The following TANK variants were observed in gnomAD, a reference collection of about 807,000 sequenced individuals.
TANK encodes TRAF family member-associated NF-kappa-B activator.
Under a neutral mutation model 43.6 loss-of-function variants are expected in TANK, and 15 were observed. The observed-to-expected ratio is 0.34, with a 90% CI of 0.23 to 0.53. The LOEUF (loss-of-function observed/expected upper bound fraction) is 0.53. TANK is among the 20% of genes least tolerant of loss of function. TANK has a pLI of 0.94. For synonymous variants in TANK, 162 were observed against 178.2 expected (o/e 0.91, Z 0.73); for missense variants, 417 against 498.6 (o/e 0.84, Z 1.56).
At chr2:161,232,605 C>A in intron 7 of TANK, 1 of 1,090,804 alleles carries the variant, frequency 9.2e-7, no homozygotes, top group Non-Finnish European at 1.2e-6. Context: ...GTTATAGTTG[C>A]TACTAAATGA....
intron 4 of TANK, chr2:161,207,843 G>A (rs934990700): frequency 1.0e-6 from 1 of 985,304 alleles, no homozygotes. Flanking sequence ...ACATGGATGA[G>A]AACTGGAAGG....
At chr2:161,180,262 TTAC>T (rs1685360995) in intron 2 of TANK, 1 of 332,596 alleles carries the variant, frequency 3.0e-6, no homozygotes, top group Non-Finnish European at 4.3e-6. Context: ...CTTTAATGAC[TTAC>T]TAAAGTTTCA....
intron 1 of TANK, among the ~76,000 whole-genome samples, chr2:161,147,642 G>A (rs1439979190): frequency 6.6e-6 from 1 of 151,672 alleles, no homozygotes; most frequent in African/African-American, 2.4e-5. Context: ...CACGCCAGCT[G>A]CCTGGTCAGT....
chr2:161,139,621 G>A (rs1350491706), intron 1 of TANK: 2 of 757,278 alleles, frequency 2.6e-6, no homozygotes, highest in Admixed American at 1.3e-4. Flanking sequence ...ATAATAAATT[G>A]GTAGTTCAAA....
intron 1 of TANK, among the ~76,000 whole-genome samples, chr2:161,177,617 G>A (rs562218281): frequency 1.2e-4 from 19 of 152,088 alleles, no homozygotes; most frequent in Admixed American, 1.2e-3. Flanking sequence ...CCCTGGATTA[G>A]GCAACAGTTC....
At chr2:161,185,764 A>G (rs981252621) in intron 2 of TANK, among the ~76,000 whole-genome samples, 1 of 150,920 alleles carries the variant, frequency 6.6e-6, no homozygotes, top group African/African-American at 2.4e-5. Flanking sequence ...CTAATGCCAG[A>G]TGACGAGTTA....
chr2:161,191,803 CTTTT>C (rs752275743), intron 2 of TANK, among the ~76,000 whole-genome samples: 1 of 151,696 alleles, frequency 6.6e-6, no homozygotes, highest in African/African-American at 2.4e-5. Flanking sequence ...CACTATTTTT[CTTTT>C]TTTTGAGATG....
chr2:161,163,563 C>T (rs1210573026), intron 1 of TANK: 1 of 152,110 alleles, frequency 6.6e-6, no homozygotes, highest in East Asian at 1.9e-4. Flanking sequence ...TGTCTATGCC[C>T]TGAAAGAAAC....
At position 161,235,798 on chromosome 2, in the gene TANK, A is replaced by G. The variant is rs1398221083; in HGVS notation, c.*280A>G. 1 of 211,342 alleles carries G rather than the reference A, an allele frequency of 4.7e-6. No homozygotes were observed. Among genetic ancestry groups the G allele is most frequent in the Non-Finnish European group, 9.3e-6 (1 of 107,900 alleles). The allele number at this position is 211,342 out of a possible 1,614,324, so 13.1% of individuals were successfully genotyped here. A position where few individuals can be genotyped will look rare whatever the true frequency, so the allele number is the denominator to read the frequency against. Reference sequence around the variant, plus strand: ...TTTACAGTGCTATTACTATAATTCAAAATTATGTATGTGACTTAGAGTTAT... The same window carrying G: ...TTTACAGTGCTATTACTATAATTCAGAATTATGTATGTGACTTAGAGTTAT... On this transcript the variant is annotated 3_prime_UTR_variant, in exon 8 of 8. Coordinates refer to ENST00000392749, the MANE Select transcript of TANK (RefSeq NM_001199135.3).
intron 6 of TANK, 90 bp from the exon 7 acceptor site, chr2:161,230,881 A>T: frequency 3.9e-6 from 4 of 1,034,084 alleles, no homozygotes; most frequent in East Asian, 2.6e-5. Flanking sequence ...CCAATAGAAA[A>T]AATAATAATA....
chr2:161,226,788 G>T (rs1278885542), intron 6 of TANK, among the ~76,000 whole-genome samples: 3 of 36,614 alleles, frequency 8.2e-5, no homozygotes, highest in African/African-American at 1.1e-4. Flanking sequence ...GTACTGTTTG[G>T]TTCATAAAGG....
At chr2:161,200,649 C>T (rs997128640) in intron 2 of TANK, 3 of 662,424 alleles carry the variant, frequency 4.5e-6, no homozygotes, top group African/African-American at 4.0e-5. Flanking sequence ...CTTTTGCATC[C>T]GTTTTCTCAA....
chr2:161,163,932 A>G (rs779734197), intron 1 of TANK, among the ~76,000 whole-genome samples: 2 of 152,204 alleles, frequency 1.3e-5, no homozygotes, highest in Non-Finnish European at 2.9e-5. Flanking sequence ...GATTATTTCA[A>G]ATGCTTTTTG....
At chr2:161,174,089 A>G (rs750726865) in intron 1 of TANK, among the ~76,000 whole-genome samples, 4 of 152,188 alleles carry the variant, frequency 2.6e-5, no homozygotes, top group Non-Finnish European at 4.4e-5. Context: ...TATCTTATAT[A>G]TATGGTCTCA....
intron 1 of TANK, among the ~76,000 whole-genome samples, chr2:161,172,344 GT>G (rs940158663): frequency 8.2e-6 from 1 of 122,418 alleles, no homozygotes. Context: ...CAAAAATGTA[GT>G]TTTTTTCGGC....
In TANK at chr2:161,224,088, A is replaced by G. The variant is rs193002750; in HGVS notation, c.404+97A>G. On this transcript the variant is annotated intron_variant, in intron 5 of 7. Transcript: ENST00000392749. Reference sequence around the variant, plus strand: ...TTAAGCTTTAACAATTGCAAAAAAAATAGCCTTTTAGAATAAGTGGAAGTG... The same window carrying G: ...TTAAGCTTTAACAATTGCAAAAAAAGTAGCCTTTTAGAATAAGTGGAAGTG... The G allele has an allele frequency of 1.1e-3, 915 of 833,172 alleles. 6 individuals carry two copies. Among genetic ancestry groups the G allele is most frequent in the Admixed American group, 2.1e-3 (73 of 34,016 alleles). 51.6% of individuals were successfully genotyped at this position (833,172 alleles called of 1,614,324 possible).
At chr2:161,156,103 C>G (rs1684219315), upstream of TANK, 2 of 985,206 alleles carry the variant, frequency 2.0e-6, no homozygotes, top group Middle Eastern at 5.2e-4. Context: ...TCTGATATAT[C>G]TGTGGTTGCC....
chr2:161,183,601 A>G (rs1685527541), intron 2 of TANK, among the ~76,000 whole-genome samples: 1 of 152,134 alleles, frequency 6.6e-6, no homozygotes, highest in African/African-American at 2.4e-5. Flanking sequence ...CTTTGCTCAC[A>G]TTAGCATATA....
Position 161,208,167 on chromosome 2 carries a change from A to G in TANK, c.327+3374A>G, listed in dbSNP as rs1686730413. The stretch of plus-strand genomic sequence containing the variant: ...TTTGAGAAGGGAAAGACTTGTGGAC[A>G]TTTTGGCAAATAGCCACTCTGGCTG... On this transcript the variant is annotated intron_variant, in intron 4 of 7. Coordinates refer to ENST00000392749, the MANE Select transcript of TANK (RefSeq NM_001199135.3). 6.1e-6 allele frequency: 6 copies of G among 985,382 alleles called. No homozygotes were observed. The South Asian group carries it at 2.3e-4, about 39-fold the overall frequency. The allele number at this position is 985,382 out of a possible 1,614,324, so 61.0% of individuals were successfully genotyped here. A position where few individuals can be genotyped will look rare whatever the true frequency, so the allele number is the denominator to read the frequency against.
Sources: gnomAD v4.1 joint callset for allele counts (sites outside exome capture counted in the v4.1 genomes callset) on GRCh38, gnomAD v4.1.1 for gene constraint, MANE v1.5 for transcripts, NCBI Gene and HGNC (gene_info 2026-07-23, HGNC 2026-07-21) for gene names.